Variants in APP observed in about 807,000 individuals in gnomAD.
APP encodes amyloid beta precursor protein.
A neutral mutation model predicts 101.4 loss-of-function variants in APP; 31 were observed. The ratio of observed to expected loss-of-function variants is 0.31; its 90% CI spans 0.23 to 0.41. APP has a LOEUF of 0.41. Among genes scored for constraint, APP ranks in the 10% least tolerant of loss-of-function variants. The pLI, the probability that APP is intolerant of heterozygous loss-of-function variation, is 1.00. For synonymous variants in APP, 366 were observed against 364.4 expected (o/e 1.00, Z -0.05); for missense variants, 839 against 1,003.7 (o/e 0.84, Z 2.22).
intron 1 of APP, among the ~76,000 whole-genome samples, chr21:26,117,034 C>A (rs1488462861): frequency 6.6e-6 from 1 of 152,152 alleles, no homozygotes; most frequent in Non-Finnish European, 1.5e-5. Context: ...CAGGCCTGTG[C>A]CACCACGCCC....
At chr21:26,088,470 A>C (rs1220815548) in intron 3 of APP, among the ~76,000 whole-genome samples, 1 of 152,236 alleles carries the variant, frequency 6.6e-6, no homozygotes, top group Non-Finnish European at 1.5e-5. Flanking sequence ...TATATTTGGA[A>C]TACTTCATAG....
chr21:26,141,303 A>C (rs1401309935), intron 1 of APP, among the ~76,000 whole-genome samples: 1 of 152,214 alleles, frequency 6.6e-6, no homozygotes, highest in East Asian at 1.9e-4. Flanking sequence ...CATTTACTAT[A>C]AACACCCTGA....
intron 3 of APP, among the ~76,000 whole-genome samples, chr21:26,079,271 T>C (rs143788816): frequency 6.6e-6 from 1 of 152,222 alleles, no homozygotes; most frequent in East Asian, 1.9e-4. Context: ...TGATTCCTCA[T>C]CATAACCATT....
chr21:26,006,244 T>C (rs28402785), intron 6 of APP, among the ~76,000 whole-genome samples: 2,139 of 152,302 alleles, frequency 0.014, 52 homozygotes, highest in African/African-American at 0.048. Context: ...CACAATCCTT[T>C]ATTGATGTTG....
intron 8 of APP, 59 bp downstream of exon 8, chr21:25,997,301 T>G (rs766624349): frequency 1.3e-6 from 2 of 1,502,174 alleles, no homozygotes; most frequent in Admixed American, 3.3e-5. Flanking sequence ...GCTGGAGTTA[T>G]GTGAACCAAG....
Position 26,031,425 on chromosome 21 carries a change from T to C in APP, c.663-9383A>G, listed in dbSNP as rs1235138961. Among the ~76,000 whole-genome samples, 3 of 152,240 alleles carry C rather than the reference T, an allele frequency of 2.0e-5. 1 individual carries two copies. The South Asian group carries it at 6.2e-4, about 32-fold the overall frequency. On this transcript the variant is annotated intron_variant, in intron 5 of 17. Transcript: ENST00000346798. ...TCTGTTAAGGAAGTGTATCAGTCTGTTTTCATGCTGCTGATAAAGACATAC... is the reference window on the plus strand; with the variant it reads ...TCTGTTAAGGAAGTGTATCAGTCTGCTTTCATGCTGCTGATAAAGACATAC...
chr21:25,998,274 T>G (rs934230834), intron 7 of APP, among the ~76,000 whole-genome samples: 1 of 152,002 alleles, frequency 6.6e-6, no homozygotes, highest in Non-Finnish European at 1.5e-5. Context: ...TTCCAAAGGC[T>G]GCAGGCAACA....
intron 3 of APP, among the ~76,000 whole-genome samples, chr21:26,087,898 TATA>T (rs1333320828): frequency 6.6e-6 from 1 of 152,236 alleles, no homozygotes; most frequent in Non-Finnish European, 1.5e-5. Flanking sequence ...TCCGTGTAAT[TATA>T]ATATTATTAT....
At chr21:25,962,270 A>T (rs919757403) in intron 11 of APP, among the ~76,000 whole-genome samples, 2 of 152,210 alleles carry the variant, frequency 1.3e-5, no homozygotes. Flanking sequence ...AACAGGCACC[A>T]CCGAAATGGC....
At chr21:26,039,045 C>T (rs2045256408) in intron 5 of APP, among the ~76,000 whole-genome samples, 1 of 152,138 alleles carries the variant, frequency 6.6e-6, no homozygotes, top group Non-Finnish European at 1.5e-5. Context: ...TCTTTTCTTT[C>T]CTTGACTACT....
rs11549662 is a variant in APP, at chr21:26,111,996, G to A, written c.208C>T (p.Leu70=). The A allele has an allele frequency of 4.3e-6, 7 of 1,614,052 alleles. No homozygotes were observed. The South Asian group carries it at 7.7e-5, about 18-fold the overall frequency. The change falls in exon 2 of 18, where the codon CTG becomes TTG. Residue 70 remains leucine, a synonymous_variant. Transcript: ENST00000346798. Reference sequence around the variant, plus strand: ...GGACTTACTTCTTGGCAATACTGCAGGATGCCTTCCTTGGTATCAATGCAG... The same window carrying A: ...GGACTTACTTCTTGGCAATACTGCAAGATGCCTTCCTTGGTATCAATGCAG... ...KTCIDTKEGI[L]QYCQEVYPEL... is the part of the protein sequence containing the mutation.
intron 13 of APP, among the ~76,000 whole-genome samples, chr21:25,912,845 T>C (rs1391105017): frequency 1.3e-5 from 2 of 152,222 alleles, no homozygotes; most frequent in African/African-American, 4.8e-5. Context: ...CATGTGTAAT[T>C]ACTGCTTTAA....
chr21:25,981,683 T>TA (rs146161498), intron 9 of APP, among the ~76,000 whole-genome samples: 35,935 of 141,590 alleles, frequency 0.25, 4,831 homozygotes, highest in East Asian at 0.45. Flanking sequence ...AAGGACCTGC[T>TA]AAAAAAAAAC....
intron 5 of APP, among the ~76,000 whole-genome samples, chr21:26,024,866 G>A (rs964634818): frequency 3.3e-5 from 5 of 152,298 alleles, no homozygotes; most frequent in Middle Eastern, 3.4e-3. Flanking sequence ...GAAGACATCC[G>A]AAGAAGTTTA....
intron 1 of APP, among the ~76,000 whole-genome samples, chr21:26,149,735 G>A (rs2063224343): frequency 6.6e-6 from 1 of 152,164 alleles, no homozygotes; most frequent in South Asian, 2.1e-4. Flanking sequence ...TGATTAAAAT[G>A]TACATTCTTT....
intron 15 of APP, among the ~76,000 whole-genome samples, chr21:25,903,230 A>G (rs530382547): frequency 6.6e-6 from 1 of 151,852 alleles, no homozygotes; most frequent in Non-Finnish European, 1.5e-5. Context: ...TTAGCTGGGC[A>G]TGGTGGGGCG....
chr21:25,889,503 C>T (rs920391617), intron 17 of APP, among the ~76,000 whole-genome samples: 5 of 152,296 alleles, frequency 3.3e-5, no homozygotes, highest in Non-Finnish European at 5.9e-5. Flanking sequence ...GCAACTTCAA[C>T]GGACAGACCG....
chr21:25,909,288 A>T (rs1248954923), intron 14 of APP, among the ~76,000 whole-genome samples: 1 of 151,764 alleles, frequency 6.6e-6, no homozygotes, highest in Non-Finnish European at 1.5e-5. Context: ...AAAAAAAAAA[A>T]ATTGCTTAAG....
intron 12 of APP, 109 bp from the exon 13 acceptor site, chr21:25,954,798 A>T (rs1372001039): frequency 1.2e-5 from 11 of 954,916 alleles, no homozygotes; most frequent in African/African-American, 8.3e-5. Context: ...TCTGTCGCCC[A>T]GGTTATTTTT....
Sources: allele counts gnomAD v4.1 joint callset (sites outside exome capture counted in the v4.1 genomes callset), GRCh38; gene constraint gnomAD v4.1.1; transcripts MANE v1.5; gene names NCBI Gene and HGNC (gene_info 2026-07-23, HGNC 2026-07-21).